SCNN1B: variants seen among roughly 807,000 people sequenced by gnomAD.
SCNN1B encodes sodium channel epithelial 1 subunit beta, also known as epithelial sodium channel subunit beta.
A neutral mutation model predicts 65.3 loss-of-function variants in SCNN1B; 46 were observed. The observed-to-expected ratio is 0.70, with a 90% CI of 0.56 to 0.90. The LOEUF (loss-of-function observed/expected upper bound fraction) is 0.90. Among genes scored for constraint, SCNN1B ranks in the 40% least tolerant of loss-of-function variants. The pLI is 0.00. For missense variants in SCNN1B, 751 were observed against 830.5 expected, an observed-to-expected ratio of 0.90 and a Z score of 1.18; for synonymous variants, 349 against 330.6, an observed-to-expected ratio of 1.06 and a Z score of -0.60.
chr16:23,324,724 T>C (rs1283559001), intron 1 of SCNN1B, among the ~76,000 whole-genome samples: 1 of 152,186 alleles, frequency 6.6e-6, no homozygotes, highest in African/African-American at 2.4e-5. Flanking sequence ...CCCTGGCATC[T>C]TTCAAGGCTT....
chr16:23,365,560 A>G (rs1407194465), intron 4 of SCNN1B, among the ~76,000 whole-genome samples: 10 of 56,886 alleles, frequency 1.8e-4, no homozygotes, highest in Admixed American at 3.0e-4. Flanking sequence ...AAGGAAAGAG[A>G]AAGAAAGAAA....
chr16:23,307,033 G>A (rs1052844816), intron 1 of SCNN1B, among the ~76,000 whole-genome samples: 2 of 152,174 alleles, frequency 1.3e-5, no homozygotes, highest in Admixed American at 1.3e-4. Context: ...GGCTCAAGAA[G>A]AGTAAACCAC....
At chr16:23,293,956 A>G (rs1567286277) in intron 2 of SCNN1B, among the ~76,000 whole-genome samples, 1 of 152,096 alleles carries the variant, frequency 6.6e-6, no homozygotes, top group African/African-American at 2.4e-5. Flanking sequence ...GGTAAATTTT[A>G]TGTCATGCAT....
chr16:23,305,227 C>A (rs1408662844), intron 1 of SCNN1B, among the ~76,000 whole-genome samples: 8 of 151,862 alleles, frequency 5.3e-5, no homozygotes, highest in Non-Finnish European at 1.2e-4. Context: ...GAGGTGCTCC[C>A]CTTTGGAATA....
chr16:23,298,389 C>T (rs951606649), upstream of SCNN1B, among the ~76,000 whole-genome samples: 1 of 152,218 alleles, frequency 6.6e-6, no homozygotes, highest in Admixed American at 6.5e-5. Context: ...AAGGCTACCC[C>T]ATGACGGCCA....
In SCNN1B at chr16:23,375,590, C is replaced by A. The variant is rs1259690774; in HGVS notation, c.1153-148C>A. 41 of 748,396 alleles carry A rather than the reference C, an allele frequency of 5.5e-5. No homozygotes were observed. In the Admixed American group the frequency reaches 7.1e-4, roughly 13 times the overall value. 46.4% of individuals were successfully genotyped at this position (748,396 alleles called of 1,614,324 possible). The stretch of plus-strand genomic sequence containing the variant: ...TCTGTAGCTGCAGCCAGTCATCTCA[C>A]CACAGCTTCTCAGCCCTGGAGCACC... On this transcript the variant is annotated intron_variant, in intron 7 of 12. Coordinates refer to ENST00000343070, the MANE Select transcript of SCNN1B (RefSeq NM_000336.3).
chr16:23,380,660 G>A lies in SCNN1B; in HGVS notation c.1782G>A (p.Thr594=), dbSNP rs13306628. The A allele has an allele frequency of 9.1e-4, 1,467 of 1,612,708 alleles. 6 individuals carry two copies. The highest frequency in any genetic ancestry group is 7.4e-3 in the East Asian group (330 of 44,842). Reference sequence around the variant, plus strand: ...CCAACTTTGGCTTCCAGCCTGACACGGCCCCCCGCAGCCCCAACACTGGGC... The same window carrying A: ...CCAACTTTGGCTTCCAGCCTGACACAGCCCCCCGCAGCCCCAACACTGGGC... ...AHTNFGFQPD[T]APRSPNTGPY... is the part of the protein sequence containing the mutation. Residue 594 remains threonine (T), a synonymous_variant, in exon 13 of 13, where the codon ACG becomes ACA. Transcript: ENST00000343070. This position sits in a 1 kb window ranked among gnomAD's most constrained non-coding sequence, Gnocchi z 5.4.
At chr16:23,346,229 T>TTTTTTTTTTTTTTTTTTG (rs1195605959) in intron 1 of SCNN1B, among the ~76,000 whole-genome samples, 1 of 122,892 alleles carries the variant, frequency 8.1e-6, no homozygotes, top group African/African-American at 3.0e-5. Flanking sequence ...TTTTTTTTTT[T>TTTTTTTTTTTTTTTTTTG]GAGACGGAGT....
intron 1 of SCNN1B, among the ~76,000 whole-genome samples, chr16:23,325,671 T>C (rs1440434072): frequency 1.3e-5 from 2 of 152,084 alleles, no homozygotes; most frequent in Non-Finnish European, 2.9e-5. Flanking sequence ...TAACTTCTTA[T>C]ACAAACCCCT....
chr16:23,377,721 T>C lies in SCNN1B; in HGVS notation c.1404+335T>C, dbSNP rs201127422. Among the ~76,000 whole-genome samples the C allele has an allele frequency of 1.4e-3, 11 of 7,762 alleles. No homozygotes were observed. In the South Asian group the frequency reaches 0.048, roughly 34 times the overall value. 5.1% of individuals were successfully genotyped at this position (7,762 alleles called of 152,430 possible). A position where few individuals can be genotyped will look rare whatever the true frequency, so the allele number is the denominator to read the frequency against. The stretch of plus-strand genomic sequence containing the variant: ...TTCCTTCTTTCCTTTCCTCCTTCCT[T>C]CTCCCTCCCTCCCCACTTCTGTTTC... On this transcript the variant is annotated intron_variant, in intron 10 of 12. Transcript: ENST00000343070.
chr16:23,335,451 T>C (rs76855096), intron 1 of SCNN1B, among the ~76,000 whole-genome samples: 5,858 of 118,692 alleles, frequency 0.049, 375 homozygotes, highest in African/African-American at 0.2. Context: ...CGTGCCAGCC[T>C]GTATTTTCTT....
chr16:23,326,872 G>A (rs545911361), intron 1 of SCNN1B, among the ~76,000 whole-genome samples: 11 of 152,118 alleles, frequency 7.2e-5, no homozygotes, highest in South Asian at 4.2e-4. Context: ...AGTGTACAGC[G>A]TACCCATTAG....
intron 1 of SCNN1B, among the ~76,000 whole-genome samples, chr16:23,341,992 A>C (rs1364113118): frequency 6.6e-6 from 1 of 152,198 alleles, no homozygotes; most frequent in Non-Finnish European, 1.5e-5. Context: ...CTGGATATAT[A>C]ACCAAGAGAA....
intron 2 of SCNN1B, among the ~76,000 whole-genome samples, chr16:23,291,068 CT>C (rs5816210): frequency 0.5 from 66,422 of 132,954 alleles, 17,692 homozygotes; most frequent in African/African-American, 0.81. Context: ...ATTTTTTTTT[CT>C]TTTTTTTTTT....
intron 1 of SCNN1B, among the ~76,000 whole-genome samples, chr16:23,311,030 A>G (rs1008317990): frequency 4.6e-5 from 7 of 152,250 alleles, no homozygotes; most frequent in Non-Finnish European, 1.0e-4. Flanking sequence ...TCAGGGTGCA[A>G]ATCGGTGCAA....
intron 1 of SCNN1B, among the ~76,000 whole-genome samples, chr16:23,310,171 G>A (rs1961309946): frequency 6.6e-6 from 1 of 151,978 alleles, no homozygotes; most frequent in South Asian, 2.1e-4. Flanking sequence ...GAGGCCAGGA[G>A]CTTGAGACCA....
chr16:23,380,326 T>A lies in SCNN1B; in HGVS notation c.1543-95T>A, dbSNP rs941314578. The A allele has an allele frequency of 1.3e-6, 2 of 1,593,380 alleles. No homozygotes were observed. On this transcript the variant is annotated intron_variant, in intron 12 of 12. Coordinates refer to ENST00000343070, the MANE Select transcript of SCNN1B (RefSeq NM_000336.3). This position sits in a 1 kb window ranked among gnomAD's most constrained non-coding sequence, Gnocchi z 5.4. ...GGGCCAAGATGGTCACCCCCTCCCGTTCCCACCCAAGAATCACCTCCCAGG... is the reference window on the plus strand; with the variant it reads ...GGGCCAAGATGGTCACCCCCTCCCGATCCCACCCAAGAATCACCTCCCAGG...
chr16:23,292,924 A>C (rs1239709133), intron 2 of SCNN1B, among the ~76,000 whole-genome samples: 2 of 151,184 alleles, frequency 1.3e-5, no homozygotes, highest in Non-Finnish European at 3.0e-5. Flanking sequence ...AGACCAGCCC[A>C]GCTAACACGG....
At chr16:23,285,663 A>T (rs1465228881) in intron 2 of SCNN1B, among the ~76,000 whole-genome samples, 4 of 116,864 alleles carry the variant, frequency 3.4e-5, no homozygotes, top group East Asian at 3.1e-4. Context: ...CAATAATAAT[A>T]AAAAAAAATA....
Sources: gnomAD v4.1 joint callset for allele counts (sites outside exome capture counted in the v4.1 genomes callset) on GRCh38, gnomAD v4.1.1 for gene constraint, Gnocchi (gnomAD v3.1) non-coding constraint, MANE v1.5 for transcripts, NCBI Gene and HGNC (gene_info 2026-07-23, HGNC 2026-07-21) for gene names.